GRIA2: variants seen among roughly 807,000 people sequenced by gnomAD.
GRIA2 encodes glutamate ionotropic receptor AMPA type subunit 2.
Under a neutral mutation model 97.3 loss-of-function variants are expected in GRIA2, and 14 were observed. That is an observed-to-expected ratio of 0.14 (90% confidence interval 0.10 to 0.23). The LOEUF is 0.23. GRIA2 is among the 10% of genes least tolerant of loss of function. The probability of loss-of-function intolerance (pLI) is 1.00; values close to 1 mark genes in which losing one functional copy is unlikely to be tolerated. For missense variants in GRIA2, 558 were observed against 1,069.8 expected (o/e 0.52, Z 6.67); for synonymous variants, 412 against 387.8 (o/e 1.06, Z -0.73).
rs35867787 is a variant in GRIA2, at chr4:157,355,912, TA to T, written c.2044-3983del. ...ATATATTTATATATAAATATATATA[TA>T]TTAATATATTTATATATATTTATAT... On this transcript the variant is annotated intron_variant, in intron 12 of 15. Transcript: ENST00000264426. Among the ~76,000 whole-genome samples the T allele has an allele frequency of 1.0e-3, 60 of 58,150 alleles. 4 individuals are homozygous for T. Among genetic ancestry groups the T allele is most frequent in the South Asian group, 2.2e-3 (2 of 926 alleles). 38.1% of individuals were successfully genotyped at this position (58,150 alleles called of 152,430 possible).
rs561901856 is a variant in GRIA2, at chr4:157,310,628, T to G, written c.470-2051T>G. On this transcript the variant is annotated intron_variant, in intron 3 of 15. Transcript: ENST00000264426. ...TTTGGAAAAAATGATTTTTATATTT[T>G]AAATATAATGGTAATAGTATTATTA... Among the ~76,000 whole-genome samples the G allele has an allele frequency of 3.0e-3, 450 of 152,144 alleles. 1 individual carries two copies. Among genetic ancestry groups the G allele is most frequent in the Non-Finnish European group, 3.8e-3 (258 of 67,938 alleles).
chr4:157,348,488 C>T (rs1348123803), intron 12 of GRIA2, among the ~76,000 whole-genome samples: 2 of 152,120 alleles, frequency 1.3e-5, no homozygotes, highest in African/African-American at 4.8e-5. Context: ...ATCCTCCCAC[C>T]CCGGCCTCCC....
rs1053720339 is a variant in GRIA2 at position 157,359,801 on chromosome 4, T to C, written c.2044-95T>C. 6 of 1,058,212 alleles carry C rather than the reference T, an allele frequency of 5.7e-6. No homozygotes were observed. In the Admixed American group the frequency reaches 1.1e-4, roughly 20 times the overall value. 65.6% of individuals were successfully genotyped at this position (1,058,212 alleles called of 1,614,324 possible). On this transcript the variant is annotated intron_variant, in intron 12 of 15. Transcript: ENST00000264426. Reference sequence around the variant, plus strand: ...AGATTTGTTCATATTGTGTATATCATCTATGTTTTGAAAAGTAATACCTCT... The same window carrying C: ...AGATTTGTTCATATTGTGTATATCACCTATGTTTTGAAAAGTAATACCTCT...
At chr4:157,256,254 A>T (rs867463710) in intron 2 of GRIA2, among the ~76,000 whole-genome samples, 3 of 106,636 alleles carry the variant, frequency 2.8e-5, no homozygotes, top group South Asian at 4.9e-4. Context: ...ATAATATATA[A>T]ATTATATATT....
At chr4:157,246,046 T>C (rs2126727837) in intron 2 of GRIA2, among the ~76,000 whole-genome samples, 1 of 152,256 alleles carries the variant, frequency 6.6e-6, no homozygotes, top group Non-Finnish European at 1.5e-5. Context: ...AGAGTAATAA[T>C]TTCTAGTTAA....
At chr4:157,325,757 T>G (rs1264825694) in intron 6 of GRIA2, among the ~76,000 whole-genome samples, 1 of 152,164 alleles carries the variant, frequency 6.6e-6, no homozygotes, top group East Asian at 1.9e-4. Context: ...CTACATCCTA[T>G]GAATCAGAAA....
rs186322934 is a variant in GRIA2 at position 157,257,883 on chromosome 4, G to A, written c.229+36076G>A. 7.4e-4 allele frequency among the ~76,000 whole-genome samples: 113 copies of A among 152,148 alleles called. 2 individuals carry two copies. In the East Asian group the frequency reaches 0.017, roughly 24 times the overall value. On this transcript the variant is annotated intron_variant, in intron 2 of 15. Transcript: ENST00000264426. ...ATGGCAGAAGAACATAAATTGTGAA[G>A]ATTTCATGGACATTTATTAATTCAC...
intron 2 of GRIA2, among the ~76,000 whole-genome samples, chr4:157,289,762 A>G (rs971883185): frequency 2.0e-5 from 3 of 151,866 alleles, no homozygotes; most frequent in African/African-American, 4.8e-5. Flanking sequence ...ATACACAAAC[A>G]CTCTACAAGT....
At chr4:157,264,404 A>G (rs1280847517) in intron 2 of GRIA2, among the ~76,000 whole-genome samples, 1 of 151,988 alleles carries the variant, frequency 6.6e-6, no homozygotes, top group East Asian at 1.9e-4. Context: ...CAAATCCTGC[A>G]ATGGAAGGCC....
intron 2 of GRIA2, among the ~76,000 whole-genome samples, chr4:157,258,902 A>G (rs753235001): frequency 2.2e-4 from 33 of 152,180 alleles, no homozygotes; most frequent in Non-Finnish European, 3.8e-4. Flanking sequence ...AGAAAGAAAC[A>G]GAAAAAAATT....
chr4:157,292,165 G>A (rs1426764591), intron 2 of GRIA2, among the ~76,000 whole-genome samples: 2 of 151,840 alleles, frequency 1.3e-5, no homozygotes. Flanking sequence ...CAAAAATTTT[G>A]CAAAAGGACA....
intron 2 of GRIA2, among the ~76,000 whole-genome samples, chr4:157,296,195 A>C (rs773200866): frequency 6.6e-6 from 1 of 152,174 alleles, no homozygotes; most frequent in Non-Finnish European, 1.5e-5. Context: ...CATACTAAAA[A>C]TGATTGCGCT....
chr4:157,326,370 C>A (rs1014950902), intron 6 of GRIA2, among the ~76,000 whole-genome samples: 2 of 152,118 alleles, frequency 1.3e-5, no homozygotes, highest in Admixed American at 1.3e-4. Context: ...TTTATGTATT[C>A]ATTTCACTGT....
At chr4:157,313,155 A>G (rs867853174) in intron 4 of GRIA2, among the ~76,000 whole-genome samples, 36 of 152,216 alleles carry the variant, frequency 2.4e-4, no homozygotes, top group African/African-American at 8.4e-4. Flanking sequence ...AAACTTTGAT[A>G]TTTTCATTTG....
rs1240353484 is a variant in GRIA2 at position 157,361,969 on chromosome 4, A to T, written c.2407-830A>T. On this transcript the variant is annotated intron_variant, in intron 14 of 15. Transcript: ENST00000264426. The surrounding 1 kb of genome is among the most constrained non-coding windows in gnomAD (Gnocchi z 5.2). ...GGCCTAATGAGAACATTAATGAAAC[A>T]CTTAAGATTAAGTGATTATAGGGAT... is the stretch of plus-strand genomic sequence containing the variant. 2.0e-5 allele frequency among the ~76,000 whole-genome samples: 3 copies of T among 152,192 alleles called. No homozygotes were observed. Among genetic ancestry groups the T allele is most frequent in the Non-Finnish European group, 4.4e-5 (3 of 68,028 alleles).
intron 12 of GRIA2, among the ~76,000 whole-genome samples, chr4:157,345,376 C>T (rs1036903668): frequency 6.6e-6 from 1 of 151,814 alleles, no homozygotes; most frequent in Non-Finnish European, 1.5e-5. Flanking sequence ...CATCCTTGTA[C>T]AGAGTGAATG....
intron 7 of GRIA2, 87 bp downstream of exon 7, chr4:157,333,073 C>T: frequency 1.8e-6 from 2 of 1,124,792 alleles, no homozygotes; most frequent in Non-Finnish European, 2.5e-6. Context: ...TGTCTTATTC[C>T]TTGTGTCTAA....
intron 2 of GRIA2, among the ~76,000 whole-genome samples, chr4:157,244,263 A>G (rs1730634484): frequency 6.6e-6 from 1 of 152,014 alleles, no homozygotes; most frequent in South Asian, 2.1e-4. Flanking sequence ...AAACCAACAA[A>G]AGCTAGAGAG....
intron 2 of GRIA2, among the ~76,000 whole-genome samples, chr4:157,298,495 A>T (rs1733455723): frequency 6.6e-6 from 1 of 152,072 alleles, no homozygotes. Context: ...ATGGTTCATC[A>T]GAATAAAATA....
Sources: allele counts gnomAD v4.1 joint callset (sites outside exome capture counted in the v4.1 genomes callset), GRCh38; gene constraint gnomAD v4.1.1; non-coding constraint Gnocchi (gnomAD v3.1); transcripts MANE v1.5; gene names NCBI Gene and HGNC (gene_info 2026-07-23, HGNC 2026-07-21).